Variants in CHSY3 observed in about 807,000 individuals in gnomAD.
The protein encoded by CHSY3 is chondroitin sulfate synthase 3.
Under a neutral mutation model 67.2 loss-of-function variants are expected in CHSY3, and 35 were observed. The ratio of observed to expected loss-of-function variants is 0.52; its 90% CI spans 0.40 to 0.69. The LOEUF is 0.69. Ranked by LOEUF, CHSY3 falls within the 30% of genes least tolerant of loss-of-function variation. CHSY3 has a pLI of 0.00. For missense variants in CHSY3, 1,069 were observed against 1,138.5 expected (o/e 0.94, Z 0.88); for synonymous variants, 474 against 434.7 (o/e 1.09, Z -1.12).
chr5:130,007,911 G>A (rs1236307042), intron 2 of CHSY3, among the ~76,000 whole-genome samples: 1 of 152,122 alleles, frequency 6.6e-6, no homozygotes, highest in African/African-American at 2.4e-5. Context: ...AGCCTCAGAT[G>A]TTCATATGGG....
chr5:130,053,148 T>A (rs1765417633), intron 2 of CHSY3, among the ~76,000 whole-genome samples: 1 of 151,340 alleles, frequency 6.6e-6, no homozygotes. Flanking sequence ...TAAAGAAGAG[T>A]TTGTTTTAAC....
At chr5:130,077,506 C>T (rs969086626) in intron 2 of CHSY3, among the ~76,000 whole-genome samples, 1 of 152,066 alleles carries the variant, frequency 6.6e-6, no homozygotes, top group Non-Finnish European at 1.5e-5. Flanking sequence ...CGTTGGACCG[C>T]TAATATCCAT....
intron 2 of CHSY3, among the ~76,000 whole-genome samples, chr5:130,176,224 A>G (rs557996229): frequency 6.6e-6 from 1 of 152,332 alleles, no homozygotes; most frequent in African/African-American, 2.4e-5. Context: ...GAAGACATTT[A>G]TGCAGCCAAC....
intron 2 of CHSY3, among the ~76,000 whole-genome samples, chr5:130,133,671 C>T (rs1312399736): frequency 6.7e-6 from 1 of 148,730 alleles, no homozygotes; most frequent in Non-Finnish European, 1.5e-5. Context: ...ACTTGGGAGG[C>T]TGAGGCACGA....
At chr5:130,101,187 T>C (rs936415063) in intron 2 of CHSY3, among the ~76,000 whole-genome samples, 5 of 152,236 alleles carry the variant, frequency 3.3e-5, no homozygotes, top group Admixed American at 6.5e-5. Flanking sequence ...TGATAAACCA[T>C]CCGAGTATTT....
At chr5:130,070,459 A>G (rs1262771805) in intron 2 of CHSY3, among the ~76,000 whole-genome samples, 1 of 152,134 alleles carries the variant, frequency 6.6e-6, no homozygotes, top group Non-Finnish European at 1.5e-5. Flanking sequence ...CACCACGTCC[A>G]GCTTTCCCTG....
At chr5:130,096,446 T>A (rs940490647) in intron 2 of CHSY3, among the ~76,000 whole-genome samples, 2 of 152,068 alleles carry the variant, frequency 1.3e-5, no homozygotes, top group Admixed American at 1.3e-4. Flanking sequence ...GTGAGAAATA[T>A]TTTAAAAGTT....
intron 2 of CHSY3, among the ~76,000 whole-genome samples, chr5:130,127,210 T>C (rs1197872883): frequency 5.3e-5 from 8 of 151,938 alleles, no homozygotes; most frequent in Non-Finnish European, 1.2e-4. Flanking sequence ...GAGCCAATCA[T>C]CATAGACTTA....
At chr5:130,093,648 C>T (rs922292758) in intron 2 of CHSY3, among the ~76,000 whole-genome samples, 2 of 152,064 alleles carry the variant, frequency 1.3e-5, no homozygotes, top group Middle Eastern at 3.2e-3. Context: ...ATGATGTAGT[C>T]GGTTGCACAG....
chr5:130,008,325 A>T (rs1316223131), intron 2 of CHSY3, among the ~76,000 whole-genome samples: 1 of 152,144 alleles, frequency 6.6e-6, no homozygotes, highest in African/African-American at 2.4e-5. Flanking sequence ...TAGTCCCAGC[A>T]CCTAGGGTTA....
chr5:130,036,441 A>C (rs1190878476), intron 2 of CHSY3, among the ~76,000 whole-genome samples: 1 of 152,290 alleles, frequency 6.6e-6, no homozygotes, highest in East Asian at 1.9e-4. Flanking sequence ...ATGTGTACTA[A>C]TTTCAATGAC....
At chr5:130,029,260 GATTA>G (rs1472323389) in intron 2 of CHSY3, among the ~76,000 whole-genome samples, 3 of 152,108 alleles carry the variant, frequency 2.0e-5, no homozygotes, top group African/African-American at 7.2e-5. Flanking sequence ...TAGCTTATTA[GATTA>G]ATTATTATTT....
intron 2 of CHSY3, among the ~76,000 whole-genome samples, chr5:130,143,810 GTATA>G (rs61284287): frequency 0.043 from 2,453 of 56,392 alleles, 80 homozygotes; most frequent in African/African-American, 0.075. Context: ...ATATATGTGT[GTATA>G]TATATATATA....
chr5:130,037,943 T>C (rs1398159434), intron 2 of CHSY3, among the ~76,000 whole-genome samples: 1 of 152,066 alleles, frequency 6.6e-6, no homozygotes, highest in East Asian at 1.9e-4. Flanking sequence ...ACTTATCCTC[T>C]TGACCCTTAA....
chr5:130,146,733 T>G (rs1028759018), intron 2 of CHSY3, among the ~76,000 whole-genome samples: 1 of 152,176 alleles, frequency 6.6e-6, no homozygotes, highest in Non-Finnish European at 1.5e-5. Context: ...CCCATGAATA[T>G]CTACAATTAT....
intron 2 of CHSY3, among the ~76,000 whole-genome samples, chr5:129,909,601 A>C (rs1018830182): frequency 2.0e-5 from 3 of 152,050 alleles, no homozygotes; most frequent in Admixed American, 1.3e-4. Flanking sequence ...TGATAATAAA[A>C]TGGTAATTTG....
chr5:130,081,385 GCTT>G (rs143878885), intron 2 of CHSY3, among the ~76,000 whole-genome samples: 18,926 of 150,838 alleles, frequency 0.13, 1,456 homozygotes, highest in East Asian at 0.33. Context: ...AGACCTTGAG[GCTT>G]CTTCTTCAGG....
At chr5:130,121,622 T>G (rs1007117820) in intron 2 of CHSY3, among the ~76,000 whole-genome samples, 6 of 152,106 alleles carry the variant, frequency 3.9e-5, no homozygotes, top group Non-Finnish European at 7.4e-5. Flanking sequence ...TACTCTGAGA[T>G]TTATGTAATT....
intron 2 of CHSY3, among the ~76,000 whole-genome samples, chr5:130,155,909 T>A (rs77066563): frequency 0.043 from 6,529 of 152,264 alleles, 363 homozygotes; most frequent in East Asian, 0.27. Flanking sequence ...TGTTTTTTAA[T>A]CATTGTACAT....
Sources: allele counts gnomAD v4.1 joint callset (sites outside exome capture counted in the v4.1 genomes callset), GRCh38; gene constraint gnomAD v4.1.1; transcripts MANE v1.5; gene names NCBI Gene and HGNC (gene_info 2026-07-23, HGNC 2026-07-21).